LINGO2: variants seen among roughly 807,000 people sequenced by gnomAD.
LINGO2 encodes leucine-rich repeat and immunoglobulin-like domain-containing nogo receptor-interacting protein 2.
LINGO2 carries 14 observed loss-of-function variants against 30.6 expected under a neutral mutation model. The observed-to-expected ratio is 0.46, with a 90% CI of 0.30 to 0.72. The LOEUF is 0.72. LINGO2 is among the 30% of genes least tolerant of loss of function. The pLI, the probability that LINGO2 is intolerant of heterozygous loss-of-function variation, is 0.07. For synonymous variants in LINGO2, 317 were observed against 288.5 expected (o/e 1.10, Z -1.00); for missense variants, 729 against 751.7 (o/e 0.97, Z 0.35).
At chr9:29,073,970 A>C in the LINGO2 span, among the ~76,000 whole-genome samples, 23 of 152,186 alleles carry the variant, frequency 1.5e-4, no homozygotes, top group Non-Finnish European at 2.9e-4. Flanking sequence ...TCAGAAAAAT[A>C]CTCAGAGTTA....
chr9:28,391,100 C>G (rs1218837247), intron 2 of LINGO2, among the ~76,000 whole-genome samples: 2 of 152,144 alleles, frequency 1.3e-5, no homozygotes. Flanking sequence ...GCTTATTGAC[C>G]TATTAGCTTA....
At chr9:28,504,238 A>G (rs4339721) in intron 1 of LINGO2, among the ~76,000 whole-genome samples, 139,403 of 151,880 alleles carry the variant, frequency 0.92, 64,735 homozygotes, top group Non-Finnish European at 1. Flanking sequence ...ATATTTTCCC[A>G]CATACTTATA....
chr9:28,890,399 G>A, the LINGO2 span, among the ~76,000 whole-genome samples: 1 of 152,010 alleles, frequency 6.6e-6, no homozygotes, highest in Non-Finnish European at 1.5e-5. Flanking sequence ...TGTGTACCAG[G>A]GGCAGCACTG....
At chr9:28,797,361 G>T in the LINGO2 span, among the ~76,000 whole-genome samples, 1,378 of 72,978 alleles carry the variant, frequency 0.019, 6 homozygotes, top group Non-Finnish European at 0.023. Context: ...TATATATATA[G>T]AGAGAGAGAG....
the LINGO2 span, among the ~76,000 whole-genome samples, chr9:29,053,467 C>T: frequency 3.9e-5 from 6 of 152,024 alleles, no homozygotes; most frequent in Non-Finnish European, 7.4e-5. Flanking sequence ...TGCTAAATGA[C>T]GAGTTAATGG....
At chr9:28,990,152 G>T in the LINGO2 span, among the ~76,000 whole-genome samples, 1 of 151,690 alleles carries the variant, frequency 6.6e-6, no homozygotes, top group Non-Finnish European at 1.5e-5. Context: ...AGAAAGGGGT[G>T]ACACTGCGCT....
chr9:28,395,009 A>AT (rs760192748), intron 2 of LINGO2, among the ~76,000 whole-genome samples: 14 of 152,220 alleles, frequency 9.2e-5, no homozygotes, highest in Non-Finnish European at 2.1e-4. Flanking sequence ...CATTCATTAG[A>AT]TTACCAGAGT....
chr9:28,067,223 CT>C (rs1825339646), intron 4 of LINGO2, among the ~76,000 whole-genome samples: 1 of 152,008 alleles, frequency 6.6e-6, no homozygotes, highest in Non-Finnish European at 1.5e-5. Context: ...TATGGGTATC[CT>C]GTGAATCTTA....
chr9:28,220,589 G>A (rs960173231), intron 4 of LINGO2, among the ~76,000 whole-genome samples: 1 of 152,128 alleles, frequency 6.6e-6, no homozygotes, highest in Non-Finnish European at 1.5e-5. Context: ...AGATTTTTCA[G>A]ATCAACTTTA....
chr9:28,746,657 A>G, the LINGO2 span, among the ~76,000 whole-genome samples: 1 of 152,104 alleles, frequency 6.6e-6, no homozygotes, highest in South Asian at 2.1e-4. Flanking sequence ...TATGGAGAAT[A>G]ATATTACCTA....
chr9:28,117,031 T>C (rs1017539483), intron 4 of LINGO2, among the ~76,000 whole-genome samples: 5 of 89,538 alleles, frequency 5.6e-5, no homozygotes, highest in Non-Finnish European at 9.2e-5. Flanking sequence ...TTTTTCCCCA[T>C]CTTTGTGGTT....
Position 28,033,494 on chromosome 9 carries a change from G to A in LINGO2, c.-86-21089C>T, listed in dbSNP as rs183129379. On this transcript the variant is annotated intron_variant, in intron 4 of 5. Coordinates refer to ENST00000379992, the Ensembl canonical transcript of LINGO2. The stretch of plus-strand genomic sequence containing the variant: ...ACAGCTTTAGTTGGTGGGAAGGGGA[G>A]GCAGAGCACTAGGAGAATAAACTGC... Among the ~76,000 whole-genome samples the A allele has an allele frequency of 2.6e-5, 4 of 152,230 alleles. No homozygotes were observed. The East Asian group carries it at 7.8e-4, about 30-fold the overall frequency.
intron 1 of LINGO2, among the ~76,000 whole-genome samples, chr9:28,647,893 CT>C (rs5897315): frequency 0.03 from 3,881 of 130,188 alleles, 113 homozygotes; most frequent in African/African-American, 0.077. Context: ...TTCTTTCTTT[CT>C]TTTTTTTTTT....
the LINGO2 span, among the ~76,000 whole-genome samples, chr9:29,024,283 A>G: frequency 6.6e-6 from 1 of 152,234 alleles, no homozygotes; most frequent in East Asian, 1.9e-4. Context: ...TATTAAAGGA[A>G]TATTAACAAA....
At chr9:28,316,034 C>T (rs1265455159) in intron 3 of LINGO2, among the ~76,000 whole-genome samples, 1 of 151,974 alleles carries the variant, frequency 6.6e-6, no homozygotes, top group Non-Finnish European at 1.5e-5. Flanking sequence ...TCAAGTTTCT[C>T]ATTTACAAAT....
the LINGO2 span, among the ~76,000 whole-genome samples, chr9:28,754,017 AACACACACAC>A: frequency 6.8e-5 from 10 of 146,022 alleles, no homozygotes; most frequent in Middle Eastern, 3.2e-3. Context: ...CACACACACA[AACACACACAC>A]ACACACACAC....
intron 4 of LINGO2, among the ~76,000 whole-genome samples, chr9:28,146,815 C>A (rs1361769108): frequency 6.6e-6 from 1 of 152,198 alleles, no homozygotes; most frequent in South Asian, 2.1e-4. Flanking sequence ...TAATCCAATA[C>A]ATTGATCTAC....
chr9:28,777,728 G>A, the LINGO2 span, among the ~76,000 whole-genome samples: 1 of 152,152 alleles, frequency 6.6e-6, no homozygotes, highest in South Asian at 2.1e-4. Context: ...CATGATGTGG[G>A]TAGGAGACAT....
chr9:28,160,558 C>G (rs920028298), intron 4 of LINGO2, among the ~76,000 whole-genome samples: 8 of 152,160 alleles, frequency 5.3e-5, no homozygotes, highest in African/African-American at 1.9e-4. Flanking sequence ...TCTGTCCTTT[C>G]TGTTCCCCTC....
Sources: allele counts gnomAD v4.1 joint callset (sites outside exome capture counted in the v4.1 genomes callset), GRCh38; gene constraint gnomAD v4.1.1; transcripts MANE v1.5; gene names NCBI Gene and HGNC (gene_info 2026-07-23, HGNC 2026-07-21).